ARHGAP5: variants seen among roughly 807,000 people sequenced by gnomAD.
ARHGAP5 encodes the protein rho GTPase-activating protein 5.
In ARHGAP5, 23 loss-of-function variants were observed where a neutral mutation model predicts 116.6. That is an observed-to-expected ratio of 0.20 (90% CI 0.14 to 0.28). ARHGAP5 has a LOEUF of 0.28. Ranked by LOEUF, ARHGAP5 falls within the 10% of genes least tolerant of loss-of-function variation. ARHGAP5 has a pLI of 1.00. For missense variants in ARHGAP5, 1,405 were observed against 1,774.8 expected (o/e 0.79, Z 3.74); for synonymous variants, 574 against 602.0 (o/e 0.95, Z 0.68).
intron 3 of ARHGAP5, among the ~76,000 whole-genome samples, chr14:32,124,930 G>A (rs1355043112): frequency 6.6e-6 from 1 of 152,124 alleles, no homozygotes; most frequent in Non-Finnish European, 1.5e-5. Flanking sequence ...TAAAACACTA[G>A]GGAGAAGAAA....
Position 32,152,337 on chromosome 14 carries a change from G to A in ARHGAP5, c.4076-86G>A, listed in dbSNP as rs1382191478. ...ATATGCTTTAAACACATTCTTGACT[G>A]TTATAGTAAATATAGCAGGAAGCTT... is the stretch of plus-strand genomic sequence containing the variant. On this transcript the variant is annotated intron_variant, in intron 5 of 6. Coordinates refer to ENST00000345122, the MANE Select transcript of ARHGAP5 (RefSeq NM_001030055.2). The A allele has an allele frequency of 6.7e-6, 6 of 895,820 alleles. No individual in the cohort carries two copies. The African/African-American group carries it at 8.7e-5, about 13-fold the overall frequency. The allele number at this position is 895,820 out of a possible 1,614,324, so 55.5% of individuals were successfully genotyped here.
intron 3 of ARHGAP5, among the ~76,000 whole-genome samples, chr14:32,133,661 C>A (rs185241929): frequency 2.9e-4 from 44 of 152,118 alleles, no homozygotes; most frequent in African/African-American, 5.5e-4. Context: ...GTCTTGTGCC[C>A]GTTTTCAAAG....
chr14:32,097,740 A>G (rs1878599682), intron 2 of ARHGAP5, among the ~76,000 whole-genome samples: 1 of 152,192 alleles, frequency 6.6e-6, no homozygotes, highest in Admixed American at 6.5e-5. Context: ...CTAAAGTAGT[A>G]TTTATCTACT....
chr14:32,105,502 AC>A (rs1458693875), intron 2 of ARHGAP5, among the ~76,000 whole-genome samples: 3 of 151,716 alleles, frequency 2.0e-5, no homozygotes, highest in East Asian at 1.9e-4. Context: ...AAAAAGAGAG[AC>A]CCCATGTGCT....
rs764577083 is a variant in ARHGAP5 at position 32,092,576 on chromosome 14, C to T, written c.1907C>T (p.Pro636Leu). The change falls in exon 2 of 7, where the codon CCG (proline) becomes CTG (leucine). Residue 636 changes from proline (P) to leucine (L), a missense_variant. This residue lies in a region of ARHGAP5 where 944 missense variants were observed against 1,095.3 expected (regional missense o/e 0.86). Transcript: ENST00000345122. The surrounding 1 kb of genome is among the most constrained non-coding windows in gnomAD (Gnocchi z 4.1). The part of the protein sequence containing the change: ...DGKIYELDLR[P>L]VDAKSPYFLS... ...AAAATTTATGAACTTGATCTTCGGC[C>T]GGTTGATGCCAAATCGCCTTACTTT... 2.1e-5 allele frequency: 34 copies of T among 1,613,510 alleles called. No homozygotes were observed. Among genetic ancestry groups the T allele is most frequent in the Middle Eastern group, 1.6e-4 (1 of 6,082 alleles).
At chr14:32,115,499 T>TA (rs1349633216) in intron 2 of ARHGAP5, among the ~76,000 whole-genome samples, 3 of 150,608 alleles carry the variant, frequency 2.0e-5, no homozygotes, top group South Asian at 2.1e-4. Flanking sequence ...GCGTCTCTAC[T>TA]AAAAAAATAC....
Position 32,133,062 on chromosome 14 carries a change from G to T in ARHGAP5, c.3866-13201G>T, listed in dbSNP as rs201059680. ...TCTTTTGACTTAGGATTGACTTGGCGATGCAGGCTCTTTTTTGGTTCCATA... is the reference window on the plus strand; with the variant it reads ...TCTTTTGACTTAGGATTGACTTGGCTATGCAGGCTCTTTTTTGGTTCCATA... On this transcript the variant is annotated intron_variant, in intron 3 of 6. Coordinates refer to ENST00000345122, the MANE Select transcript of ARHGAP5 (RefSeq NM_001030055.2). Among the ~76,000 whole-genome samples, 5 of 152,222 alleles carry T rather than the reference G, an allele frequency of 3.3e-5. No individual in the cohort carries two copies. The South Asian group carries it at 1.0e-3, about 32-fold the overall frequency.
intron 1 of ARHGAP5, among the ~76,000 whole-genome samples, chr14:32,080,805 A>G (rs1244379648): frequency 6.6e-6 from 1 of 152,118 alleles, no homozygotes; most frequent in East Asian, 1.9e-4. Context: ...GTGTTTTGGA[A>G]GCTGTCTACA....
chr14:32,121,012 T>TA (rs1879859219), intron 3 of ARHGAP5, among the ~76,000 whole-genome samples: 3 of 84,280 alleles, frequency 3.6e-5, no homozygotes, highest in South Asian at 5.5e-4. Flanking sequence ...TAGGATTATG[T>TA]CTTTTTTTTT....
chr14:32,084,378 A>G (rs1194730062), intron 1 of ARHGAP5, among the ~76,000 whole-genome samples: 1 of 152,016 alleles, frequency 6.6e-6, no homozygotes, highest in Non-Finnish European at 1.5e-5. Flanking sequence ...AGTCCTGGGG[A>G]AAAAAACTGG....
chr14:32,085,951 T>C (rs1374177275), intron 1 of ARHGAP5, among the ~76,000 whole-genome samples: 1 of 152,186 alleles, frequency 6.6e-6, no homozygotes, highest in Non-Finnish European at 1.5e-5. Context: ...GACTAAATAT[T>C]TGAGTTTAAA....
chr14:32,156,459 A>G lies in ARHGAP5; in HGVS notation c.*1511A>G, dbSNP rs1363340847. 1 of 152,300 alleles carries G rather than the reference A, an allele frequency of 6.6e-6. No individual in the cohort carries two copies. Among genetic ancestry groups the G allele is most frequent in the Non-Finnish European group, 1.5e-5 (1 of 67,804 alleles). The allele number at this position is 152,300 out of a possible 1,614,324, so 9.4% of individuals were successfully genotyped here. On this transcript the variant is annotated 3_prime_UTR_variant, in exon 7 of 7. Transcript: ENST00000345122. ...TTAAGTTCTAGGTATTGTACTTCCA[A>G]TTTTAACTTCAGAACCAAGATGTTG...
Position 32,090,652 on chromosome 14 carries a change from A to T in ARHGAP5, c.-18A>T. 3 of 1,552,354 alleles carry T rather than the reference A, an allele frequency of 1.9e-6. No homozygotes were observed. The highest frequency in any genetic ancestry group is 1.7e-4 in the Middle Eastern group (1 of 5,760). On this transcript the variant is annotated 5_prime_UTR_variant, in exon 2 of 7. Coordinates refer to ENST00000345122, the MANE Select transcript of ARHGAP5 (RefSeq NM_001030055.2). ...TATCTGGTTACCTTTATGAATGTAG[A>T]GACATGAGAAGAGAGTTATGATGGC...
chr14:32,123,606 G>A (rs1033377660), intron 3 of ARHGAP5, among the ~76,000 whole-genome samples: 8 of 151,902 alleles, frequency 5.3e-5, no homozygotes, highest in Admixed American at 4.6e-4. Flanking sequence ...TAGTTTTGAT[G>A]TCAGAATTCT....
chr14:32,132,957 G>T (rs932331096), intron 3 of ARHGAP5, among the ~76,000 whole-genome samples: 10 of 152,102 alleles, frequency 6.6e-5, no homozygotes, highest in Non-Finnish European at 1.2e-4. Flanking sequence ...GTCTGTTTTG[G>T]TACCAGTACC....
chr14:32,108,011 A>G (rs898142904), intron 2 of ARHGAP5, among the ~76,000 whole-genome samples: 4 of 152,206 alleles, frequency 2.6e-5, no homozygotes, highest in African/African-American at 9.6e-5. Context: ...AGAGTATGAT[A>G]TGGGAGCTAA....
At chr14:32,140,625 T>C (rs558889695) in intron 3 of ARHGAP5, among the ~76,000 whole-genome samples, 36 of 152,270 alleles carry the variant, frequency 2.4e-4, no homozygotes, top group Admixed American at 5.9e-4. Context: ...AATTTTCACA[T>C]ATTTATTAAT....
intron 2 of ARHGAP5, among the ~76,000 whole-genome samples, chr14:32,095,495 C>G (rs1194258304): frequency 6.6e-6 from 1 of 151,316 alleles, no homozygotes; most frequent in Admixed American, 6.6e-5. Flanking sequence ...TCACCGCAGC[C>G]TCCGCCTCCC....
At chr14:32,094,522 A>G in intron 2 of ARHGAP5, 136 bp downstream of exon 2, 1 of 617,684 alleles carries the variant, frequency 1.6e-6, no homozygotes. Context: ...TTTTCTGAGT[A>G]TTCTGTGGGG....
Sources: allele counts gnomAD v4.1 joint callset (sites outside exome capture counted in the v4.1 genomes callset), GRCh38; gene constraint gnomAD v4.1.1; regional missense constraint gnomAD v4.1.1; non-coding constraint Gnocchi (gnomAD v3.1); transcripts MANE v1.5; gene names NCBI Gene and HGNC (gene_info 2026-07-23, HGNC 2026-07-21).